The following ZBTB14 variants were observed in gnomAD, a reference collection of about 807,000 sequenced individuals.
The protein encoded by ZBTB14 is zinc finger and BTB domain containing 14.
Under a neutral mutation model 29.5 loss-of-function variants are expected in ZBTB14, and 8 were observed. The observed-to-expected ratio is 0.27, with a 90% confidence interval of 0.16 to 0.49. The LOEUF (loss-of-function observed/expected upper bound fraction) is 0.49. Ranked by LOEUF, ZBTB14 falls within the 20% of genes least tolerant of loss-of-function variation. ZBTB14 has a pLI of 0.99. For missense variants in ZBTB14, 333 were observed against 563.8 expected (o/e 0.59, Z 4.15); for synonymous variants, 226 against 207.2 (o/e 1.09, Z -0.78).
chr18:5,289,076 TGAA>T lies in ZBTB14; in HGVS notation c.*1779_*1781del, dbSNP rs2071756742. On this transcript the variant is annotated 3_prime_UTR_variant, in exon 4 of 4. Transcript: ENST00000651870. Reference sequence around the variant, plus strand: ...AATGAAGTCCCAAAATATGGTTTGTTGAAGTAGCTATTGACAAGATGTTAAAAT... The same window carrying T: ...AATGAAGTCCCAAAATATGGTTTGTTGTAGCTATTGACAAGATGTTAAAAT... 6.6e-6 allele frequency: 1 copy of T among 152,238 alleles called. No individual in the cohort carries two copies. Among genetic ancestry groups the T allele is most frequent in the Admixed American group, 6.5e-5 (1 of 15,286 alleles). 9.4% of individuals were successfully genotyped at this position (152,238 alleles called of 1,614,324 possible).
chr18:5,294,414 A>C (rs1279951709), intron 1 of ZBTB14, among the ~76,000 whole-genome samples: 1 of 152,188 alleles, frequency 6.6e-6, no homozygotes, highest in Non-Finnish European at 1.5e-5. Context: ...AGTGCATGGG[A>C]CCAGAGAGAG....
chr18:5,295,514 G>A (rs1390562993), intron 1 of ZBTB14, 138 bp downstream of exon 1: 1 of 144,164 alleles, frequency 6.9e-6, no homozygotes, highest in East Asian at 2.1e-4. Context: ...CCATGAACTC[G>A]GCCGCCGAGG....
At chr18:5,293,825 T>C (rs2071875557) in intron 2 of ZBTB14, 147 bp downstream of exon 2, 1 of 152,274 alleles carries the variant, frequency 6.6e-6, no homozygotes, top group South Asian at 2.1e-4. Flanking sequence ...GGAACAATGA[T>C]TGCTTTTTCT....
chr18:5,295,417 G>A (rs898267669), intron 1 of ZBTB14, among the ~76,000 whole-genome samples: 4 of 145,312 alleles, frequency 2.8e-5, no homozygotes, highest in Middle Eastern at 3.6e-3. Flanking sequence ...GCTCGGAGGG[G>A]CGGCGCCCGG....
Position 5,290,640 on chromosome 18 carries a change from A to G in ZBTB14, c.*218T>C, listed in dbSNP as rs995695671. 1.5e-5 allele frequency: 9 copies of G among 612,040 alleles called. No individual in the cohort carries two copies. The highest frequency in any genetic ancestry group is 7.0e-5 in the Admixed American group (2 of 28,394). The allele number at this position is 612,040 out of a possible 1,614,324, so 37.9% of individuals were successfully genotyped here. A position where few individuals can be genotyped will look rare whatever the true frequency, so the allele number is the denominator to read the frequency against. ...GAGGTGCTTACTGGGCAACATTAAT[A>G]CTAGACACCAGACAAGACAGTGAAA... On this transcript the variant is annotated 3_prime_UTR_variant, in exon 4 of 4. Transcript: ENST00000651870.
chr18:5,292,095 A>G lies in ZBTB14; in HGVS notation c.113T>C (p.Ile38Thr), dbSNP rs926276947. 3.1e-6 allele frequency: 5 copies of G among 1,608,252 alleles called. No homozygotes were observed. Among genetic ancestry groups the G allele is most frequent in the Non-Finnish European group, 4.2e-6 (5 of 1,179,958 alleles). ...TTTCACATCCTCAACCACAATAGCA[A>G]TATCACAAAATTCTCCTTCCAGGCG... ...EQRLEGEFCD[I>T]AIVVEDVKFR... The change falls in exon 4 of 4, where the codon ATT (isoleucine) becomes ACT (threonine). Residue 38 changes from isoleucine (I) to threonine (T), a missense_variant. Ile to Thr is a moderately conservative substitution (Grantham distance 89). Around this residue, in one of 3 missense-constraint regions of ZBTB14, gnomAD observed 67 missense variants for 157.0 expected, o/e 0.43. Coordinates refer to ENST00000651870, the MANE Select transcript of ZBTB14 (RefSeq NM_001243702.2).
In ZBTB14 at chr18:5,290,936, C is replaced by G; in HGVS notation, c.1272G>C (p.Gln424His). The G allele has an allele frequency of 1.2e-6, 2 of 1,614,288 alleles. No homozygotes were observed. The highest frequency in any genetic ancestry group is 1.7e-6 in the Non-Finnish European group (2 of 1,180,056). ...ERKQVTPSAI[Q>H]SETEQLQAAA... Reference sequence around the variant, plus strand: ...CCGCCTGCAACTGTTCTGTCTCGCTCTGGATGGCACTGGGGGTAACCTGCT... The same window carrying G: ...CCGCCTGCAACTGTTCTGTCTCGCTGTGGATGGCACTGGGGGTAACCTGCT... The change falls in exon 4 of 4, where the codon CAG becomes CAC. Residue 424 changes from glutamine to histidine, a missense_variant. Physicochemically the swap from Gln to His is conservative, Grantham distance 24 (BLOSUM62 0). Around this residue, in one of 3 missense-constraint regions of ZBTB14, gnomAD observed 140 missense variants for 274.6 expected, o/e 0.51. Transcript: ENST00000651870.
chr18:5,295,195 G>GCC (rs2071921853), intron 1 of ZBTB14, among the ~76,000 whole-genome samples: 1 of 144,364 alleles, frequency 6.9e-6, no homozygotes, highest in Non-Finnish European at 1.5e-5. Context: ...CCCGCGCCGC[G>GCC]CCGCGCCCCG....
Position 5,291,760 on chromosome 18 carries a change from G to T in ZBTB14, c.448C>A (p.Arg150Ser), listed in dbSNP as rs1427124353. ...SKSKYCLKIN[R>S]PIGDAADTQD... is the part of the protein sequence containing the mutation. ...GTGTCAGCAGCATCTCCAATGGGGC[G>T]ATTTATTTTAAGGCAATACTTACTT... The change falls in exon 4 of 4, where the codon CGC becomes AGC. Residue 150 changes from arginine to serine, a missense_variant. Coordinates refer to ENST00000651870, the MANE Select transcript of ZBTB14 (RefSeq NM_001243702.2). This position sits in a 1 kb window ranked among gnomAD's most constrained non-coding sequence, Gnocchi z 5.8. The T allele has an allele frequency of 6.2e-7, 1 of 1,613,850 alleles. No individual in the cohort carries two copies.
At chr18:5,293,400 T>TAAATTTATTA in intron 2 of ZBTB14, 73 bp from the exon 3 acceptor site, 1 of 822,048 alleles carries the variant, frequency 1.2e-6, no homozygotes, top group Non-Finnish European at 1.9e-6. Context: ...AGAATTGATT[T>TAAATTTATTA]TTTAAAAATA....
upstream of ZBTB14, chr18:5,296,165 G>C (rs1336294350): frequency 6.6e-6 from 1 of 151,458 alleles, no homozygotes; most frequent in Non-Finnish European, 1.5e-5. Context: ...GGTTAATCCG[G>C]GCCCTTGCCG....
chr18:5,296,444 T>C (rs1040149470), upstream of ZBTB14, among the ~76,000 whole-genome samples: 3 of 149,064 alleles, frequency 2.0e-5, no homozygotes, highest in African/African-American at 7.4e-5. Context: ...AGCGCTCCCG[T>C]GCGTGTGCAT....
At chr18:5,295,178 C>A (rs1287894831) in intron 1 of ZBTB14, among the ~76,000 whole-genome samples, 1 of 144,630 alleles carries the variant, frequency 6.9e-6, no homozygotes, top group East Asian at 2.0e-4. Flanking sequence ...GCGGCCGGCT[C>A]CGCAGCCCCG....
upstream of ZBTB14, among the ~76,000 whole-genome samples, chr18:5,296,394 C>T (rs1350987073): frequency 2.0e-5 from 3 of 150,056 alleles, no homozygotes; most frequent in African/African-American, 7.3e-5. Context: ...GGGCTTCCGC[C>T]CGCGCCCGGC....
intron 1 of ZBTB14, among the ~76,000 whole-genome samples, chr18:5,295,357 C>G (rs1439251939): frequency 4.2e-5 from 6 of 143,674 alleles, no homozygotes; most frequent in Non-Finnish European, 7.7e-5. Context: ...TGCGCTGGGT[C>G]CCGGCCCCCT....
At position 5,291,264 on chromosome 18, in the gene ZBTB14, G is replaced by C; in HGVS notation, c.944C>G (p.Thr315Ser). The C allele has an allele frequency of 6.2e-7, 1 of 1,614,236 alleles. No homozygotes were observed. The highest frequency in any genetic ancestry group is 8.5e-7 in the Non-Finnish European group (1 of 1,180,044). ...GTGTTCTTTCAGGTGGGCCTGTGTGGTGAAACCTTTTGTGCACATTTCACA... is the reference window on the plus strand; with the variant it reads ...GTGTTCTTTCAGGTGGGCCTGTGTGCTGAAACCTTTTGTGCACATTTCACA... ...FVCEMCTKGF[T>S]TQAHLKEHLK... Residue 315 changes from threonine (T) to serine (S), a missense_variant, in exon 4 of 4, where the codon ACC (threonine) becomes AGC (serine). Physicochemically the swap from Thr to Ser is moderately conservative, Grantham distance 58. Coordinates refer to ENST00000651870, the MANE Select transcript of ZBTB14 (RefSeq NM_001243702.2). This position sits in a 1 kb window ranked among gnomAD's most constrained non-coding sequence, Gnocchi z 5.8.
upstream of ZBTB14, chr18:5,296,186 T>C (rs1243013673): frequency 6.6e-6 from 1 of 150,664 alleles, no homozygotes; most frequent in Admixed American, 6.6e-5. Context: ...ACGCTTTCGT[T>C]GGAGACTACG....
rs1232802001 is a variant in ZBTB14, at chr18:5,290,787, G to C, written c.*71C>G. Reference sequence around the variant, plus strand: ...CGTTTCCACAAAAATATTGTAACTGGCATTCACTCATTATGATCCACGTCA... The same window carrying C: ...CGTTTCCACAAAAATATTGTAACTGCCATTCACTCATTATGATCCACGTCA... On this transcript the variant is annotated 3_prime_UTR_variant, in exon 4 of 4. Transcript: ENST00000651870. The C allele has an allele frequency of 4.5e-6, 7 of 1,546,118 alleles. No homozygotes were observed. Among genetic ancestry groups the C allele is most frequent in the African/African-American group, 1.4e-5 (1 of 72,706 alleles).
Position 5,290,853 on chromosome 18 carries a change from C to A in ZBTB14, c.*5G>T. The A allele has an allele frequency of 1.2e-6, 2 of 1,610,262 alleles. No individual in the cohort carries two copies. The highest frequency in any genetic ancestry group is 2.2e-5 in the East Asian group (1 of 44,848). On this transcript the variant is annotated 3_prime_UTR_variant, in exon 4 of 4. Coordinates refer to ENST00000651870, the MANE Select transcript of ZBTB14 (RefSeq NM_001243702.2). Reference sequence around the variant, plus strand: ...TCCAGGCAAAGTGTCCCTGTCCCACCGCCTCTAGCTACAGGCTATCGTCTC... The same window carrying A: ...TCCAGGCAAAGTGTCCCTGTCCCACAGCCTCTAGCTACAGGCTATCGTCTC...
Sources: allele counts gnomAD v4.1 joint callset (sites outside exome capture counted in the v4.1 genomes callset), GRCh38; gene constraint gnomAD v4.1.1; regional missense constraint gnomAD v4.1.1; non-coding constraint Gnocchi (gnomAD v3.1); transcripts MANE v1.5; gene names NCBI Gene and HGNC (gene_info 2026-07-23, HGNC 2026-07-21).